NELL2: variants seen among roughly 807,000 people sequenced by gnomAD.
NELL2 encodes the protein neural EGFL like 2.
Under a neutral mutation model 109.6 loss-of-function variants are expected in NELL2, and 41 were observed. The observed-to-expected ratio is 0.37, with a 90% confidence interval of 0.29 to 0.49. The LOEUF is 0.49. NELL2 is among the 20% of genes least tolerant of loss of function. The probability of loss-of-function intolerance (pLI) is 0.98; values close to 1 mark genes in which losing one functional copy is unlikely to be tolerated. For synonymous variants in NELL2, 355 were observed against 344.7 expected, an observed-to-expected ratio of 1.03 and a Z score of -0.33; for missense variants, 900 against 1,008.3, an observed-to-expected ratio of 0.89 and a Z score of 1.45.
intron 2 of NELL2, among the ~76,000 whole-genome samples, chr12:44,865,145 T>C (rs964875516): frequency 8.3e-6 from 1 of 120,178 alleles, no homozygotes; most frequent in African/African-American, 3.2e-5. Context: ...TTTTCATGTG[T>C]TTTTTGGCTG....
intron 12 of NELL2, among the ~76,000 whole-genome samples, chr12:44,680,318 T>A (rs1055523107): frequency 6.6e-6 from 1 of 152,156 alleles, no homozygotes; most frequent in Non-Finnish European, 1.5e-5. Flanking sequence ...GATTAGGAAG[T>A]AGGACCTTAT....
At chr12:44,652,538 T>C (rs1416969474) in intron 13 of NELL2, among the ~76,000 whole-genome samples, 1 of 152,182 alleles carries the variant, frequency 6.6e-6, no homozygotes. Context: ...CTCAACAGAC[T>C]ATCCCTCTAA....
At chr12:44,906,084 CA>C (rs1348775078) in intron 1 of NELL2, among the ~76,000 whole-genome samples, 2 of 152,006 alleles carry the variant, frequency 1.3e-5, no homozygotes, top group East Asian at 3.9e-4. Context: ...GTAATGGTCT[CA>C]CAAAGATTGG....
At chr12:44,871,707 A>T (rs11182725) in intron 2 of NELL2, among the ~76,000 whole-genome samples, 3,146 of 152,292 alleles carry the variant, frequency 0.021, 113 homozygotes, top group East Asian at 0.18. Context: ...TTTGCCTACT[A>T]AAGTCCATGG....
chr12:44,589,438 G>A (rs374544491), intron 15 of NELL2, among the ~76,000 whole-genome samples: 3 of 151,424 alleles, frequency 2.0e-5, no homozygotes, highest in African/African-American at 7.3e-5. Flanking sequence ...CTGTCATCCA[G>A]GCTGGAGTGA....
chr12:44,740,005 T>A (rs1163174277), intron 9 of NELL2, among the ~76,000 whole-genome samples: 2 of 152,236 alleles, frequency 1.3e-5, no homozygotes, highest in Non-Finnish European at 2.9e-5. Context: ...GTTTAGTGGC[T>A]ACAATACAAA....
intron 15 of NELL2, among the ~76,000 whole-genome samples, chr12:44,540,229 G>C (rs1217344721): frequency 6.6e-6 from 1 of 152,038 alleles, no homozygotes; most frequent in Non-Finnish European, 1.5e-5. Context: ...TAAACATTAT[G>C]TTAGAGGAAC....
chr12:44,535,101 T>G (rs1328885716), intron 15 of NELL2, among the ~76,000 whole-genome samples: 1 of 152,024 alleles, frequency 6.6e-6, no homozygotes, highest in Non-Finnish European at 1.5e-5. Flanking sequence ...GTTATATTAA[T>G]TAGTGTTTTG....
chr12:44,678,412 A>C (rs1354874343), intron 12 of NELL2, among the ~76,000 whole-genome samples: 2 of 152,082 alleles, frequency 1.3e-5, no homozygotes, highest in Admixed American at 6.6e-5. Context: ...AAGGCATATC[A>C]GCATTTAGCA....
chr12:44,920,823 T>C (rs1413690640), intron 1 of NELL2, among the ~76,000 whole-genome samples: 2 of 152,164 alleles, frequency 1.3e-5, no homozygotes, highest in Non-Finnish European at 2.9e-5. Flanking sequence ...CCAGTGCAAA[T>C]GTTACCAACA....
intron 13 of NELL2, among the ~76,000 whole-genome samples, chr12:44,652,621 A>G (rs1173995895): frequency 6.6e-6 from 1 of 152,226 alleles, no homozygotes; most frequent in Non-Finnish European, 1.5e-5. Context: ...ATGGGAACTA[A>G]AAATCATTTT....
chr12:44,614,839 G>C (rs1195362286), intron 13 of NELL2, among the ~76,000 whole-genome samples: 1 of 151,918 alleles, frequency 6.6e-6, no homozygotes, highest in Non-Finnish European at 1.5e-5. Context: ...TTTCAAAATA[G>C]ATGTACAATA....
At chr12:44,622,558 C>A (rs1307750679) in intron 13 of NELL2, among the ~76,000 whole-genome samples, 1 of 152,000 alleles carries the variant, frequency 6.6e-6, no homozygotes, top group Non-Finnish European at 1.5e-5. Flanking sequence ...TACCTCAAAA[C>A]AAAATGAAAT....
At chr12:44,632,233 CTTG>C (rs773851812) in intron 13 of NELL2, among the ~76,000 whole-genome samples, 9 of 152,098 alleles carry the variant, frequency 5.9e-5, no homozygotes, top group Non-Finnish European at 8.8e-5. Context: ...TAGTGAAAGG[CTTG>C]TTGTTTTCCG....
intron 2 of NELL2, among the ~76,000 whole-genome samples, chr12:44,818,711 T>C (rs1411040330): frequency 2.6e-5 from 4 of 150,958 alleles, no homozygotes; most frequent in Admixed American, 6.6e-5. Context: ...TGAGAGGCTA[T>C]ATTTTGTTCA....
intron 3 of NELL2, 119 bp downstream of exon 3, chr12:44,815,867 T>A (rs939784995): frequency 7.9e-6 from 9 of 1,137,638 alleles, no homozygotes; most frequent in Non-Finnish European, 1.1e-5. Flanking sequence ...TTTGCCCACC[T>A]CGGCTTCCCA....
chr12:44,917,246 A>C (rs1054113994), upstream of NELL2, among the ~76,000 whole-genome samples: 2 of 152,226 alleles, frequency 1.3e-5, no homozygotes, highest in Admixed American at 1.3e-4. Flanking sequence ...CATGAGTCTC[A>C]CTTTGACCTC....
chr12:44,906,290 C>A (rs2710443), intron 1 of NELL2, among the ~76,000 whole-genome samples: 43,434 of 151,724 alleles, frequency 0.29, 6,574 homozygotes, highest in East Asian at 0.44. Flanking sequence ...AGAGGAAATG[C>A]GGTTAAATTA....
At chr12:44,791,121 G>GTATATATATATGTATATATATATGTA (rs1555217775) in intron 3 of NELL2, among the ~76,000 whole-genome samples, 3 of 24,212 alleles carry the variant, frequency 1.2e-4, no homozygotes, top group Admixed American at 7.1e-4. Context: ...ATATATATAT[G>GTATATATATATGTATATATATATGTA]TATATATATA....
Sources: gnomAD v4.1 joint callset for allele counts (sites outside exome capture counted in the v4.1 genomes callset) on GRCh38, gnomAD v4.1.1 for gene constraint, MANE v1.5 for transcripts, NCBI Gene and HGNC (gene_info 2026-07-23, HGNC 2026-07-21) for gene names.